B3GALT1: variants seen among roughly 807,000 people sequenced by gnomAD.
The protein encoded by B3GALT1 is beta-1,3-galactosyltransferase 1.
In B3GALT1, 10 loss-of-function variants were observed where a neutral mutation model predicts 23.2. The observed-to-expected ratio is 0.43, with a 90% CI of 0.27 to 0.73. B3GALT1 has a LOEUF of 0.73. Ranked by LOEUF, B3GALT1 falls within the 30% of genes least tolerant of loss-of-function variation. The pLI, the probability that B3GALT1 is intolerant of heterozygous loss-of-function variation, is 0.21. For synonymous variants in B3GALT1, 156 were observed against 141.5 expected (o/e 1.10, Z -0.73); for missense variants, 299 against 405.4 (o/e 0.74, Z 2.25).
intron 1 of B3GALT1, among the ~76,000 whole-genome samples, chr2:167,444,957 A>C (rs545789744): frequency 6.6e-6 from 1 of 152,108 alleles, no homozygotes; most frequent in African/African-American, 2.4e-5. Context: ...TTGTGTTGTT[A>C]GGGTGTCAAT....
intron 3 of B3GALT1, among the ~76,000 whole-genome samples, chr2:167,729,459 T>C (rs1687373087): frequency 6.6e-6 from 1 of 152,124 alleles, no homozygotes. Flanking sequence ...AAACACCAGC[T>C]CAGAGATTGA....
intron 1 of B3GALT1, among the ~76,000 whole-genome samples, chr2:167,405,158 A>G (rs1415425472): frequency 6.6e-6 from 1 of 152,134 alleles, no homozygotes; most frequent in Non-Finnish European, 1.5e-5. Flanking sequence ...CATAATAAGA[A>G]TTCTTGAGAT....
intron 3 of B3GALT1, among the ~76,000 whole-genome samples, chr2:167,782,969 G>A (rs1688273477): frequency 6.6e-6 from 1 of 152,078 alleles, no homozygotes; most frequent in African/African-American, 2.4e-5. Flanking sequence ...TGGATCACTA[G>A]GGAGCTCTCA....
intron 1 of B3GALT1, among the ~76,000 whole-genome samples, chr2:167,391,393 C>G (rs1179510192): frequency 6.6e-6 from 1 of 152,162 alleles, no homozygotes; most frequent in Non-Finnish European, 1.5e-5. Context: ...AGTTTCGCTG[C>G]TTTGATAAGA....
At position 167,703,958 on chromosome 2, in the gene B3GALT1, G is replaced by A. The variant is rs369017765; in HGVS notation, c.-352+56992G>A. 8.3e-4 allele frequency among the ~76,000 whole-genome samples: 126 copies of A among 152,152 alleles called. 1 individual carries two copies. In the South Asian group the frequency reaches 0.025, roughly 31 times the overall value. ...GCACTTTGGGAGGCCAAGGCGGGCG[G>A]ATCACGAGGTCAGGAGATCAAGACC... On this transcript the variant is annotated intron_variant, in intron 3 of 4. Coordinates refer to ENST00000392690, the MANE Select transcript of B3GALT1 (RefSeq NM_020981.4).
rs1690352542 is a variant in B3GALT1, at chr2:167,871,778, TA to T, written c.*1759del. On this transcript the variant is annotated 3_prime_UTR_variant, in exon 5 of 5. Transcript: ENST00000392690. ...TTCACCTCTTTCAGAAGCAGCAGAA[TA>T]GGCAGTCAGCAAACCTGCACATTGC... is the stretch of plus-strand genomic sequence containing the variant. 6.6e-6 allele frequency: 1 copy of T among 151,948 alleles called. No homozygotes were observed. The highest frequency in any genetic ancestry group is 1.5e-5 in the Non-Finnish European group (1 of 68,018). The allele number at this position is 151,948 out of a possible 1,614,324, so 9.4% of individuals were successfully genotyped here.
intron 1 of B3GALT1, among the ~76,000 whole-genome samples, chr2:167,325,799 C>A (rs1270803618): frequency 6.6e-6 from 1 of 150,562 alleles, no homozygotes; most frequent in Non-Finnish European, 1.5e-5. Context: ...CTCACTGCAA[C>A]CTCTGCCTTC....
At chr2:167,597,531 G>A (rs1198026308) in intron 2 of B3GALT1, among the ~76,000 whole-genome samples, 1 of 152,170 alleles carries the variant, frequency 6.6e-6, no homozygotes, top group Non-Finnish European at 1.5e-5. Flanking sequence ...GCTGCCAACT[G>A]ACACTCAAGA....
chr2:167,440,495 A>G (rs1332303579), intron 1 of B3GALT1, among the ~76,000 whole-genome samples: 1 of 152,064 alleles, frequency 6.6e-6, no homozygotes, highest in African/African-American at 2.4e-5. Context: ...CTCATGCCTT[A>G]TAGAGATTGT....
chr2:167,688,224 G>T (rs555332102), intron 3 of B3GALT1, among the ~76,000 whole-genome samples: 1 of 151,990 alleles, frequency 6.6e-6, no homozygotes, highest in South Asian at 2.1e-4. Flanking sequence ...ATGAAAAAGA[G>T]GACATAATAA....
intron 2 of B3GALT1, among the ~76,000 whole-genome samples, chr2:167,528,968 T>C (rs1182378344): frequency 6.6e-6 from 1 of 152,092 alleles, no homozygotes; most frequent in South Asian, 2.1e-4. Flanking sequence ...CTTCCTGTTA[T>C]CTCCCTTTGT....
intron 1 of B3GALT1, among the ~76,000 whole-genome samples, chr2:167,381,079 A>T (rs1697841331): frequency 6.6e-6 from 1 of 151,972 alleles, no homozygotes; most frequent in Non-Finnish European, 1.5e-5. Context: ...TTATTTGTTT[A>T]TTTGTTCAGA....
intron 2 of B3GALT1, among the ~76,000 whole-genome samples, chr2:167,598,636 T>C (rs1334366761): frequency 6.6e-6 from 1 of 152,104 alleles, no homozygotes; most frequent in African/African-American, 2.4e-5. Flanking sequence ...AGTAAACTGG[T>C]TTTCTCTAAC....
At chr2:167,632,234 G>A (rs960190689) in intron 2 of B3GALT1, among the ~76,000 whole-genome samples, 4 of 151,996 alleles carry the variant, frequency 2.6e-5, no homozygotes, top group South Asian at 4.2e-4. Flanking sequence ...TTGCTATTGT[G>A]AATAGTGCTG....
intron 3 of B3GALT1, among the ~76,000 whole-genome samples, chr2:167,766,965 T>A (rs1004595937): frequency 1.2e-4 from 18 of 152,190 alleles, no homozygotes; most frequent in Non-Finnish European, 2.5e-4. Flanking sequence ...TTGGTAGCCA[T>A]TGCTATGATT....
rs532382987 is a variant in B3GALT1, at chr2:167,408,524, T to A, written c.-510-81653T>A. 2.0e-5 allele frequency among the ~76,000 whole-genome samples: 3 copies of A among 152,160 alleles called. No individual in the cohort carries two copies. In the South Asian group the frequency reaches 6.2e-4, roughly 32 times the overall value. ...TACTGGAACTGCTGGCCAGAGCAAT[T>A]AGTCAAGATAAAGAAATGAAGGATA... On this transcript the variant is annotated intron_variant, in intron 1 of 4. Transcript: ENST00000392690.
Position 167,391,890 on chromosome 2 carries a change from T to C in B3GALT1, c.-510-98287T>C, listed in dbSNP as rs1330306594. Among the ~76,000 whole-genome samples the C allele has an allele frequency of 3.9e-5, 6 of 152,200 alleles. No individual in the cohort carries two copies. The East Asian group carries it at 1.2e-3, about 29-fold the overall frequency. On this transcript the variant is annotated intron_variant, in intron 1 of 4. Coordinates refer to ENST00000392690, the MANE Select transcript of B3GALT1 (RefSeq NM_020981.4). ...CCCTCAATTAATACCCATTGTATTC[T>C]TAAATGATATAACTTTATACTCCCA...
intron 1 of B3GALT1, among the ~76,000 whole-genome samples, chr2:167,474,176 C>A (rs1207739273): frequency 1.3e-5 from 2 of 152,120 alleles, no homozygotes; most frequent in Non-Finnish European, 2.9e-5. Context: ...AATTTCTAAT[C>A]AGTCTAATGG....
chr2:167,716,119 T>TG, intron 3 of B3GALT1: 1 of 1,476,644 alleles, frequency 6.8e-7, no homozygotes, highest in Non-Finnish European at 9.3e-7. Flanking sequence ...CAACAAGCGG[T>TG]GGAGAACACG....
Sources: allele counts gnomAD v4.1 joint callset (sites outside exome capture counted in the v4.1 genomes callset), GRCh38; gene constraint gnomAD v4.1.1; transcripts MANE v1.5; gene names NCBI Gene and HGNC (gene_info 2026-07-23, HGNC 2026-07-21).